Variants in ABCC8 observed in about 807,000 individuals in gnomAD.
The protein encoded by ABCC8 is ATP-binding cassette sub-family C member 8.
A neutral mutation model predicts 188.0 loss-of-function variants in ABCC8; 137 were observed. The observed-to-expected ratio is 0.73, with a 90% CI of 0.63 to 0.84. The LOEUF (loss-of-function observed/expected upper bound fraction) is 0.84. ABCC8 is among the 40% of genes least tolerant of loss of function. ABCC8 has a pLI of 0.00. For missense variants in ABCC8, 1,750 were observed against 2,072.7 expected (o/e 0.84, Z 3.02); for synonymous variants, 797 against 846.5 (o/e 0.94, Z 1.01).
intron 10 of ABCC8, among the ~76,000 whole-genome samples, chr11:17,440,901 G>C (rs2133588833): frequency 6.6e-6 from 1 of 152,258 alleles, no homozygotes; most frequent in South Asian, 2.1e-4. Context: ...CAGCTTGGTG[G>C]CCACCTAGCT....
intron 10 of ABCC8, among the ~76,000 whole-genome samples, chr11:17,434,844 T>A (rs916936104): frequency 1.3e-5 from 2 of 152,166 alleles, no homozygotes; most frequent in African/African-American, 2.4e-5. Flanking sequence ...TTCTGGCTGT[T>A]GTATGGAGAC....
intron 17 of ABCC8, 182 bp from the exon 18 acceptor site, chr11:17,415,521 C>T (rs1338927247): frequency 2.2e-6 from 2 of 897,268 alleles, no homozygotes; most frequent in Non-Finnish European, 2.7e-6. Context: ...TTGGGGAAGC[C>T]TCTGCTGCCT....
chr11:17,466,150 G>A (rs181923642), intron 3 of ABCC8, among the ~76,000 whole-genome samples: 187 of 152,140 alleles, frequency 1.2e-3, no homozygotes, highest in African/African-American at 4.4e-3. Context: ...CCTGTAATCC[G>A]AGCACTTTGG....
Position 17,429,004 on chromosome 11 carries a change from A to G in ABCC8, c.1818-334T>C, listed in dbSNP as rs185314201. On this transcript the variant is annotated intron_variant, in intron 12 of 38. Transcript: ENST00000389817. ...GTCAGGGTTAAGGTTAGTTAGGACT[A>G]GGATTGGTAAAGAATCAATAGCTAG... 204 of 390,640 alleles carry G rather than the reference A, an allele frequency of 5.2e-4. 1 individual carries two copies. Among genetic ancestry groups the G allele is most frequent in the African/African-American group, 3.8e-3 (186 of 49,276 alleles). The allele number at this position is 390,640 out of a possible 1,614,324, so 24.2% of individuals were successfully genotyped here. A position where few individuals can be genotyped will look rare whatever the true frequency, so the allele number is the denominator to read the frequency against.
intron 6 of ABCC8, among the ~76,000 whole-genome samples, chr11:17,454,388 G>A (rs76815168): frequency 0.011 from 1,735 of 152,330 alleles, 39 homozygotes; most frequent in African/African-American, 0.04. Flanking sequence ...TGATCTGTGC[G>A]ACAGGGGTCT....
At chr11:17,433,170 C>A (rs1955923418) in intron 10 of ABCC8, among the ~76,000 whole-genome samples, 2 of 152,122 alleles carry the variant, frequency 1.3e-5, no homozygotes, top group African/African-American at 2.4e-5. Flanking sequence ...TGACCCCAGG[C>A]CTAAATTTCC....
At chr11:17,469,023 C>T (rs1848322598) in intron 3 of ABCC8, among the ~76,000 whole-genome samples, 1 of 151,668 alleles carries the variant, frequency 6.6e-6, no homozygotes, top group African/African-American at 2.4e-5. Flanking sequence ...CCCCAGGTGA[C>T]CTCATCCAGG....
rs747851352 is a variant in ABCC8, at chr11:17,397,728, G to A, written c.3823C>T (p.Leu1275Phe). 1.9e-6 allele frequency: 3 copies of A among 1,613,770 alleles called. No individual in the cohort carries two copies. Among genetic ancestry groups the A allele is most frequent in the Non-Finnish European group, 2.5e-6 (3 of 1,179,992 alleles). The change falls in exon 31 of 39, where the codon CTC (leucine) becomes TTC (phenylalanine). Residue 1275 changes from leucine (L) to phenylalanine (F), a missense_variant. Physicochemically the swap from Leu to Phe is conservative, Grantham distance 22. Coordinates refer to ENST00000389817, the MANE Select transcript of ABCC8 (RefSeq NM_000352.6). ...CCCAGGCCCACCAGGCCAGCAGAGA[G>A]CTCCCTGTGCAGGGAGTTGGAGATG... ...TSISNSLHRE[L>F]SAGLVGLGLT...
At chr11:17,415,433 T>A in intron 17 of ABCC8, 94 bp from the exon 18 acceptor site, 1 of 1,556,182 alleles carries the variant, frequency 6.4e-7, no homozygotes. Flanking sequence ...AACATGAGCA[T>A]GCCTTTACAA....
Position 17,461,714 on chromosome 11 carries a change from A to G in ABCC8, c.691T>C (p.Trp231Arg), listed in dbSNP as rs1554942704. 6.2e-7 allele frequency: 1 copy of G among 1,614,188 alleles called. No individual in the cohort carries two copies. The highest frequency in any genetic ancestry group is 8.5e-7 in the Non-Finnish European group (1 of 1,180,030). The change falls in exon 5 of 39, where the codon TGG (tryptophan) becomes CGG (arginine). Residue 231 changes from tryptophan (W) to arginine (R), a missense_variant. Transcript: ENST00000389817. ...GTCTTGATGAAGGCGTTCATCCACC[A>G]GTAGGTGCCTTTGGACAGCAGATTC... ...FVNLLSKGTYWWMNAFIKTAH... is the reference protein window; with the variant it reads ...FVNLLSKGTYRWMNAFIKTAH...
At chr11:17,469,870 G>A (rs1203169302) in intron 3 of ABCC8, among the ~76,000 whole-genome samples, 1 of 151,968 alleles carries the variant, frequency 6.6e-6, no homozygotes, top group African/African-American at 2.4e-5. Context: ...TACTCAGCTT[G>A]ATTTTCTTCA....
intron 2 of ABCC8, among the ~76,000 whole-genome samples, chr11:17,473,419 G>C (rs1016758190): frequency 5.3e-5 from 8 of 152,172 alleles, no homozygotes; most frequent in African/African-American, 1.9e-4. Context: ...CCAGGATGCA[G>C]GGACATTGGG....
chr11:17,415,198 G>C, intron 18 of ABCC8, 106 bp downstream of exon 18: 3 of 1,489,944 alleles, frequency 2.0e-6, no homozygotes, highest in Non-Finnish European at 2.7e-6. Flanking sequence ...CCCAACACTG[G>C]GGCTGGGGTC....
At position 17,404,638 on chromosome 11, in the gene ABCC8, C is replaced by T. The variant is rs1434670176; in HGVS notation, c.3431G>A (p.Arg1144His). Residue 1144 changes from arginine to histidine, a missense_variant, in exon 28 of 39, where the codon CGC becomes CAC. Physicochemically the swap from Arg to His is conservative, Grantham distance 29. Transcript: ENST00000389817. The surrounding 1 kb of genome is among the most constrained non-coding windows in gnomAD (Gnocchi z 4.7). ...GGCTGAGACACAGAGCAGGGTGGAG[C>T]GGCTCAGGCACTCCAGCGTGGATGG... Reference protein sequence around the residue: ...HIPSTLECLSRSTLLCVSALA... With the variant: ...HIPSTLECLSHSTLLCVSALA... 5 of 1,612,452 alleles carry T rather than the reference C, an allele frequency of 3.1e-6. No homozygotes were observed. The highest frequency in any genetic ancestry group is 1.1e-5 in the South Asian group (1 of 90,842).
intron 8 of ABCC8, among the ~76,000 whole-genome samples, chr11:17,446,802 TC>T (rs1956549068): frequency 6.6e-6 from 1 of 152,108 alleles, no homozygotes; most frequent in African/African-American, 2.4e-5. Flanking sequence ...TGTGGGAGCC[TC>T]TCCCCTTTTT....
chr11:17,412,551 T>A (rs1954863343), intron 21 of ABCC8, 115 bp downstream of exon 21: 14 of 1,392,392 alleles, frequency 1.0e-5, no homozygotes, highest in Non-Finnish European at 1.3e-5. Context: ...GCAGGAGGGA[T>A]TTACTCCTGG....
At chr11:17,449,463 G>A (rs1016109535) in intron 7 of ABCC8, among the ~76,000 whole-genome samples, 1 of 152,180 alleles carries the variant, frequency 6.6e-6, no homozygotes, top group Non-Finnish European at 1.5e-5. Flanking sequence ...ACACGACCGC[G>A]TGAGTCAGTC....
intron 5 of ABCC8, 24 bp downstream of exon 5, chr11:17,461,559 T>C: frequency 6.2e-7 from 1 of 1,614,112 alleles, no homozygotes; most frequent in Admixed American, 1.7e-5. Context: ...AGTGAATAGA[T>C]GGTGTGGCTG....
At chr11:17,457,966 C>T (rs1218386544) in intron 6 of ABCC8, among the ~76,000 whole-genome samples, 4 of 152,218 alleles carry the variant, frequency 2.6e-5, no homozygotes, top group African/African-American at 7.2e-5. Flanking sequence ...TTCATAAAGA[C>T]CAGAATAGCA....
Sources: allele counts gnomAD v4.1 joint callset (sites outside exome capture counted in the v4.1 genomes callset), GRCh38; gene constraint gnomAD v4.1.1; non-coding constraint Gnocchi (gnomAD v3.1); transcripts MANE v1.5; gene names NCBI Gene and HGNC (gene_info 2026-07-23, HGNC 2026-07-21).